The following ABCB11 variants were observed in gnomAD, a reference collection of about 807,000 sequenced individuals.
The protein encoded by ABCB11 is ATP binding cassette subfamily B member 11.
In ABCB11, 95 loss-of-function variants were observed where a neutral mutation model predicts 148.0. The observed-to-expected ratio is 0.64, with a 90% CI of 0.54 to 0.76. ABCB11 has a LOEUF of 0.76. Ranked by LOEUF, ABCB11 falls within the 30% of genes least tolerant of loss-of-function variation. The pLI, the probability that ABCB11 is intolerant of heterozygous loss-of-function variation, is 0.00. For missense variants in ABCB11, 1,523 were observed against 1,617.8 expected (o/e 0.94, Z 1.01); for synonymous variants, 591 against 555.4 (o/e 1.06, Z -0.90).
At position 168,944,893 on chromosome 2, in the gene ABCB11, T is replaced by C. The variant is rs11568373; in HGVS notation, c.2412A>G (p.Ala804=). 7,223 of 1,580,266 alleles carry C rather than the reference T, an allele frequency of 4.6e-3. 262 individuals carry two copies. The African/African-American group carries it at 0.084, about 18-fold the overall frequency. The change falls in exon 20 of 28, where the codon GCA becomes GCG. Residue 804 remains alanine (A), a synonymous_variant. Transcript: ENST00000650372. ...QINGVCLLFV[A]MGCVSLFTQF... ...GGGTGAAAAGAGATACACAGCCCAT[T>C]GCTACAAAAAGTAGGCACACACCAT...
chr2:169,019,658 G>A lies in ABCB11; in HGVS notation c.-27-1506C>T, dbSNP rs144570632. 2.8e-3 allele frequency among the ~76,000 whole-genome samples: 426 copies of A among 152,270 alleles called. 1 individual carries two copies. The highest frequency in any genetic ancestry group is 9.6e-3 in the African/African-American group (397 of 41,544). The stretch of plus-strand genomic sequence containing the variant: ...AAGTGGACCTCCACAGTTGCAACCT[G>A]TGTTGTTCAAGAATCAAACTGTAGT... On this transcript the variant is annotated intron_variant, in intron 1 of 27. Transcript: ENST00000650372.
intron 14 of ABCB11, among the ~76,000 whole-genome samples, chr2:168,971,401 T>C (rs1248271505): frequency 1.3e-5 from 2 of 152,008 alleles, no homozygotes; most frequent in Admixed American, 1.3e-4. Flanking sequence ...AGAATGGAGA[T>C]ATACAATGAA....
chr2:169,018,818 A>G (rs1268591996), intron 1 of ABCB11, among the ~76,000 whole-genome samples: 1 of 152,200 alleles, frequency 6.6e-6, no homozygotes, highest in East Asian at 1.9e-4. Flanking sequence ...TCAAATATAT[A>G]GCAATGGTGG....
At chr2:169,030,263 G>T (rs1695827447) in intron 1 of ABCB11, among the ~76,000 whole-genome samples, 1 of 152,102 alleles carries the variant, frequency 6.6e-6, no homozygotes, top group Admixed American at 6.6e-5. Flanking sequence ...AATCTAGAGT[G>T]GGGTGGAGTG....
chr2:168,918,649 C>T (rs1690991420), downstream of ABCB11, among the ~76,000 whole-genome samples: 1 of 152,160 alleles, frequency 6.6e-6, no homozygotes, highest in South Asian at 2.1e-4. Flanking sequence ...AACATCATTG[C>T]ATATATGTAC....
chr2:168,932,749 C>T (rs546535909), intron 23 of ABCB11, among the ~76,000 whole-genome samples: 1 of 152,118 alleles, frequency 6.6e-6, no homozygotes, highest in Non-Finnish European at 1.5e-5. Context: ...AAGAAGAGGA[C>T]TGAACAAGCA....
At chr2:169,023,915 G>A (rs759453705) in intron 1 of ABCB11, among the ~76,000 whole-genome samples, 27 of 152,252 alleles carry the variant, frequency 1.8e-4, no homozygotes, top group Middle Eastern at 3.4e-3. Context: ...TTTAAGATAC[G>A]ATAAAGTTGG....
rs1408319265 is a variant in ABCB11, at chr2:168,927,215, T to C, written c.3559A>G (p.Arg1187Gly). ...GCCTGTTTTGCAGCTGCTATGACTC[T>C]TTCCATGGGAATTTCTTTGGTGTTG... Reference protein sequence around the residue: ...GDNTKEIPMERVIAAAKQAQL... With the variant: ...GDNTKEIPMEGVIAAAKQAQL... The change falls in exon 26 of 28, where the codon AGA becomes GGA. Residue 1187 changes from arginine (R) to glycine (G), a missense_variant. Arg to Gly is a moderately radical substitution (Grantham distance 125, BLOSUM62 -2). Coordinates refer to ENST00000650372, the MANE Select transcript of ABCB11 (RefSeq NM_003742.4). 6.2e-7 allele frequency: 1 copy of C among 1,613,954 alleles called. No homozygotes were observed. Among genetic ancestry groups the C allele is most frequent in the Admixed American group, 1.7e-5 (1 of 60,018 alleles).
rs1693267196 is a variant in ABCB11, at chr2:168,965,464, G to C, written c.2076-1156C>G. Among the ~76,000 whole-genome samples the C allele has an allele frequency of 2.6e-5, 4 of 151,848 alleles. No homozygotes were observed. The South Asian group carries it at 6.2e-4, about 24-fold the overall frequency. ...AAATAGTAGAGCTGAGAAAGGAAGAGAGAGAAACTATTTTCTAGCTTGGAC... is the reference window on the plus strand; with the variant it reads ...AAATAGTAGAGCTGAGAAAGGAAGACAGAGAAACTATTTTCTAGCTTGGAC... On this transcript the variant is annotated intron_variant, in intron 17 of 27. Coordinates refer to ENST00000650372, the MANE Select transcript of ABCB11 (RefSeq NM_003742.4).
intron 16 of ABCB11, among the ~76,000 whole-genome samples, chr2:168,968,703 C>T (rs1239345549): frequency 6.6e-6 from 1 of 151,600 alleles, no homozygotes; most frequent in African/African-American, 2.4e-5. Flanking sequence ...TCATTTAAAC[C>T]ATACAATAGC....
chr2:168,978,804 G>A (rs556240576), intron 11 of ABCB11, among the ~76,000 whole-genome samples: 4 of 152,014 alleles, frequency 2.6e-5, no homozygotes, highest in East Asian at 3.9e-4. Context: ...CTGCAGCCTC[G>A]GCCACCCTGG....
chr2:168,964,338 T>C lies in ABCB11; in HGVS notation c.2076-30A>G, dbSNP rs759563103. 2.6e-6 allele frequency: 4 copies of C among 1,517,466 alleles called. No homozygotes were observed. In the Admixed American group the frequency reaches 5.9e-5, roughly 22 times the overall value. The allele number at this position is 1,517,466 out of a possible 1,614,324, so 94.0% of individuals were successfully genotyped here. On this transcript the variant is annotated intron_variant, in intron 17 of 27. Coordinates refer to ENST00000650372, the MANE Select transcript of ABCB11 (RefSeq NM_003742.4). The stretch of plus-strand genomic sequence containing the variant: ...AAATAAACAGAAAGATGAAACAGTG[T>C]AGACTGTGGCCAGATTGGAGCAGGA...
At chr2:168,990,671 C>T in intron 9 of ABCB11, 130 bp downstream of exon 9, 1 of 1,124,266 alleles carries the variant, frequency 8.9e-7, no homozygotes, top group South Asian at 1.5e-5. Flanking sequence ...TGCTTAGCTC[C>T]CTCTTGAACA....
At chr2:168,964,157 C>G in intron 18 of ABCB11, 49 bp downstream of exon 18, 1 of 1,396,990 alleles carries the variant, frequency 7.2e-7, no homozygotes, top group Non-Finnish European at 9.9e-7. Context: ...CCCAACAGTC[C>G]CCAGGAGAGA....
chr2:168,989,676 T>C lies in ABCB11; in HGVS notation c.908+1125A>G, dbSNP rs76906341. Among the ~76,000 whole-genome samples the C allele has an allele frequency of 8.4e-3, 1,283 of 152,260 alleles. 19 individuals are homozygous for C. The highest frequency in any genetic ancestry group is 0.029 in the African/African-American group (1,208 of 41,568). ...AAGAAGTGGCAAGAATGGGCATTTT[T>C]GTCTTGTTCCTGATCTTAGGGGGAA... On this transcript the variant is annotated intron_variant, in intron 9 of 27. Transcript: ENST00000650372.
At chr2:169,022,951 T>TA (rs60786878) in intron 1 of ABCB11, among the ~76,000 whole-genome samples, 3,690 of 151,594 alleles carry the variant, frequency 0.024, 134 homozygotes, top group African/African-American at 0.082. Flanking sequence ...CCTATAAAAT[T>TA]AAAAAAAAAT....
chr2:168,950,128 C>CAT (rs199752613), intron 19 of ABCB11, among the ~76,000 whole-genome samples: 143 of 146,404 alleles, frequency 9.8e-4, no homozygotes, highest in African/African-American at 2.9e-3. Context: ...CTATTACTCC[C>CAT]ATATATATAT....
chr2:168,947,452 G>A (rs1465294158), intron 19 of ABCB11, among the ~76,000 whole-genome samples: 2 of 151,410 alleles, frequency 1.3e-5, no homozygotes, highest in Admixed American at 6.6e-5. Flanking sequence ...GACAAATTAC[G>A]CCTTACATGT....
intron 1 of ABCB11, among the ~76,000 whole-genome samples, chr2:169,030,365 G>A (rs908022696): frequency 5.3e-5 from 8 of 151,936 alleles, no homozygotes; most frequent in African/African-American, 1.9e-4. Context: ...AGGTGAGGGG[G>A]GTGAGCAGTG....
Sources: allele counts gnomAD v4.1 joint callset (sites outside exome capture counted in the v4.1 genomes callset), GRCh38; gene constraint gnomAD v4.1.1; transcripts MANE v1.5; gene names NCBI Gene and HGNC (gene_info 2026-07-23, HGNC 2026-07-21).